WIPF1: variants seen among roughly 807,000 people sequenced by gnomAD.
The protein encoded by WIPF1 is WAS/WASL-interacting protein family member 1.
In WIPF1, 13 loss-of-function variants were observed where a neutral mutation model predicts 35.4. The observed-to-expected ratio is 0.37, with a 90% confidence interval of 0.24 to 0.58. The LOEUF (loss-of-function observed/expected upper bound fraction) is 0.58, where lower values mean the gene tolerates loss of function less well. Among genes scored for constraint, WIPF1 ranks in the 20% least tolerant of loss-of-function variants. The pLI is 0.74. For synonymous variants in WIPF1, 267 were observed against 266.3 expected (o/e 1.00, Z -0.02); for missense variants, 591 against 667.0 (o/e 0.89, Z 1.25).
At chr2:174,643,996 A>G (rs1397638220) in intron 1 of WIPF1, among the ~76,000 whole-genome samples, 1 of 152,204 alleles carries the variant, frequency 6.6e-6, no homozygotes, top group Non-Finnish European at 1.5e-5. Context: ...TTAAACAATG[A>G]GAGTCACTGA....
chr2:174,679,840 C>A (rs1215275843), intron 1 of WIPF1, among the ~76,000 whole-genome samples: 1 of 152,152 alleles, frequency 6.6e-6, no homozygotes, highest in African/African-American at 2.4e-5. Context: ...GAACAACTGA[C>A]AAATGTCCGC....
At chr2:174,682,072 G>C (rs868068680) in intron 1 of WIPF1, among the ~76,000 whole-genome samples, 1 of 152,260 alleles carries the variant, frequency 6.6e-6, no homozygotes, top group South Asian at 2.1e-4. Flanking sequence ...AAAAAGGTAG[G>C]GGACGCGAGA....
intron 2 of WIPF1, among the ~76,000 whole-genome samples, chr2:174,584,683 G>T (rs1008096163): frequency 1.3e-5 from 2 of 152,130 alleles, no homozygotes; most frequent in Non-Finnish European, 2.9e-5. Flanking sequence ...AGGCCGAGGT[G>T]GGTGGATCAA....
upstream of WIPF1, among the ~76,000 whole-genome samples, chr2:174,602,180 A>G (rs2105883361): frequency 6.6e-6 from 1 of 152,328 alleles, no homozygotes; most frequent in East Asian, 1.9e-4. Context: ...AGGCTCGCAG[A>G]CCAATCACAT....
At chr2:174,620,344 T>C (rs1301301109) in intron 1 of WIPF1, among the ~76,000 whole-genome samples, 1 of 152,170 alleles carries the variant, frequency 6.6e-6, no homozygotes, top group Admixed American at 6.5e-5. Context: ...ATTCCTTCAT[T>C]AACCTAATGG....
intron 1 of WIPF1, among the ~76,000 whole-genome samples, chr2:174,597,200 T>C (rs1200509262): frequency 6.6e-6 from 1 of 152,244 alleles, no homozygotes; most frequent in Non-Finnish European, 1.5e-5. Flanking sequence ...AAGCTTCCAA[T>C]GGCTCCTTGT....
At chr2:174,673,822 A>G (rs1232085037) in intron 1 of WIPF1, 1 of 105,858 alleles carries the variant, frequency 9.4e-6, no homozygotes. Flanking sequence ...AAACACTAAT[A>G]TTAAAAAAAA....
At chr2:174,677,485 C>A (rs1315975092) in intron 1 of WIPF1, among the ~76,000 whole-genome samples, 1 of 152,182 alleles carries the variant, frequency 6.6e-6, no homozygotes, top group Non-Finnish European at 1.5e-5. Context: ...TTTCAAGCCA[C>A]ATGTGAAGCC....
At chr2:174,658,615 A>C (rs1218125129) in intron 1 of WIPF1, among the ~76,000 whole-genome samples, 1 of 152,164 alleles carries the variant, frequency 6.6e-6, no homozygotes, top group Non-Finnish European at 1.5e-5. Context: ...ATTAAATGCA[A>C]CAAGCTCACA....
intron 1 of WIPF1, among the ~76,000 whole-genome samples, chr2:174,653,786 G>A (rs908095520): frequency 2.0e-5 from 3 of 150,058 alleles, no homozygotes; most frequent in Non-Finnish European, 3.0e-5. Flanking sequence ...CAGTACTTCT[G>A]ACCCCTGACA....
intron 3 of WIPF1, among the ~76,000 whole-genome samples, chr2:174,576,243 A>AAAAAAAAAAAAAAAAAAAAAAAAAAC (rs1559149036): frequency 1.3e-5 from 2 of 150,464 alleles, no homozygotes; most frequent in African/African-American, 2.5e-5. Flanking sequence ...AAAAAAAAAA[A>AAAAAAAAAAAAAAAAAAAAAAAAAAC]AAAAAACACT....
chr2:174,655,173 C>T (rs1288554783), intron 1 of WIPF1, among the ~76,000 whole-genome samples: 1 of 151,762 alleles, frequency 6.6e-6, no homozygotes, highest in African/African-American at 2.4e-5. Context: ...TATTCACCCC[C>T]ATAATCCCCA....
intron 1 of WIPF1, among the ~76,000 whole-genome samples, chr2:174,618,203 C>T (rs1324373102): frequency 1.3e-5 from 2 of 152,242 alleles, no homozygotes; most frequent in African/African-American, 4.8e-5. Context: ...TCACCCCAAC[C>T]ATGGTCAACT....
chr2:174,657,524 T>C (rs1453885229), intron 1 of WIPF1, among the ~76,000 whole-genome samples: 1 of 152,202 alleles, frequency 6.6e-6, no homozygotes, highest in Non-Finnish European at 1.5e-5. Context: ...GCAGCATTAA[T>C]GTCGATGTCC....
chr2:174,587,605 A>T (rs187420029), intron 1 of WIPF1: 1 of 152,366 alleles, frequency 6.6e-6, no homozygotes, highest in Non-Finnish European at 1.5e-5. Context: ...ATTCCACAGC[A>T]GCAACAGCAG....
At chr2:174,595,103 AAAAAAAATATATATATAT>A (rs1685756632) in intron 1 of WIPF1, among the ~76,000 whole-genome samples, 1 of 41,284 alleles carries the variant, frequency 2.4e-5, no homozygotes, top group Non-Finnish European at 4.6e-5. Flanking sequence ...AAAAAAAAAA[AAAAAAAATATATATATAT>A]ATATATATAT....
intron 1 of WIPF1, among the ~76,000 whole-genome samples, chr2:174,654,335 T>C (rs1687600253): frequency 6.6e-6 from 1 of 152,228 alleles, no homozygotes; most frequent in African/African-American, 2.4e-5. Flanking sequence ...TGTATGTCCC[T>C]TTCTTTTCTT....
chr2:174,583,943 C>T (rs1559151419), intron 2 of WIPF1, among the ~76,000 whole-genome samples: 1 of 152,166 alleles, frequency 6.6e-6, no homozygotes, highest in Non-Finnish European at 1.5e-5. Flanking sequence ...TCTCTGCCTC[C>T]AGAGTAGCTG....
chr2:174,674,375 T>C (rs1688086087), intron 1 of WIPF1, among the ~76,000 whole-genome samples: 1 of 152,260 alleles, frequency 6.6e-6, no homozygotes. Context: ...TTCCCATCTT[T>C]GTATTTTGTA....
Sources: allele counts gnomAD v4.1 joint callset (sites outside exome capture counted in the v4.1 genomes callset), GRCh38; gene constraint gnomAD v4.1.1; transcripts MANE v1.5; gene names NCBI Gene and HGNC (gene_info 2026-07-23, HGNC 2026-07-21).